The following RAB38 variants were observed in gnomAD, a reference collection of about 807,000 sequenced individuals.
The protein encoded by RAB38 is RAB38, member RAS oncogene family, also known as ras-related protein Rab-38.
RAB38 carries 15 observed loss-of-function variants against 18.4 expected under a neutral mutation model. The observed-to-expected ratio is 0.82, with a 90% CI of 0.55 to 1.26. The LOEUF (loss-of-function observed/expected upper bound fraction) is 1.26, where lower values mean the gene tolerates loss of function less well. RAB38 is among the 50% of genes most tolerant of loss of function. The pLI, the probability that RAB38 is intolerant of heterozygous loss-of-function variation, is 0.00. For missense variants in RAB38, 294 were observed against 267.4 expected (o/e 1.10, Z -0.69); for synonymous variants, 101 against 104.4 (o/e 0.97, Z 0.20).
chr11:87,907,462 AAT>A, the RAB38 span, among the ~76,000 whole-genome samples: 2,046 of 151,102 alleles, frequency 0.014, 46 homozygotes, highest in African/African-American at 0.048. Flanking sequence ...TTACAAAAAA[AAT>A]ATATTTTTTT....
At chr11:87,849,675 A>G in the RAB38 span, among the ~76,000 whole-genome samples, 1 of 152,110 alleles carries the variant, frequency 6.6e-6, no homozygotes, top group Non-Finnish European at 1.5e-5. Context: ...ATAGTGTTTA[A>G]TAACTTTAAT....
the RAB38 span, among the ~76,000 whole-genome samples, chr11:88,069,079 G>T: frequency 6.6e-6 from 1 of 152,210 alleles, no homozygotes; most frequent in African/African-American, 2.4e-5. Context: ...CCGGGGCTGT[G>T]CACTGCGATT....
At chr11:87,948,259 T>G in the RAB38 span, among the ~76,000 whole-genome samples, 6 of 152,206 alleles carry the variant, frequency 3.9e-5, no homozygotes, top group Non-Finnish European at 7.3e-5. Context: ...TCCTGAGACT[T>G]TGCTGAAGTT....
At chr11:88,151,709 T>C (rs1943064814) in intron 1 of RAB38, among the ~76,000 whole-genome samples, 1 of 152,180 alleles carries the variant, frequency 6.6e-6, no homozygotes, top group African/African-American at 2.4e-5. Context: ...AACTTTATAA[T>C]GGTAAGTTTT....
At chr11:87,954,533 C>A in the RAB38 span, among the ~76,000 whole-genome samples, 1 of 151,016 alleles carries the variant, frequency 6.6e-6, no homozygotes, top group Non-Finnish European at 1.5e-5. Context: ...CATAAATGCA[C>A]GCTAGAGAAG....
chr11:87,966,480 G>A, the RAB38 span, among the ~76,000 whole-genome samples: 2 of 152,052 alleles, frequency 1.3e-5, no homozygotes, highest in South Asian at 2.1e-4. Context: ...ATTATGACAG[G>A]GGATATAAAT....
chr11:87,850,862 C>A, the RAB38 span, among the ~76,000 whole-genome samples: 1 of 152,164 alleles, frequency 6.6e-6, no homozygotes, highest in Admixed American at 6.6e-5. Context: ...CTTTCTTTAA[C>A]TCACTTACTT....
chr11:87,836,941 C>A, the RAB38 span, among the ~76,000 whole-genome samples: 1 of 152,158 alleles, frequency 6.6e-6, no homozygotes, highest in East Asian at 1.9e-4. Flanking sequence ...ATTTAGATGT[C>A]AGATCTCAGT....
chr11:88,050,208 GA>G, the RAB38 span: 8 of 152,098 alleles, frequency 5.3e-5, no homozygotes, highest in Non-Finnish European at 8.8e-5. Context: ...TTTATAAATA[GA>G]AAAAACTGTG....
the RAB38 span, among the ~76,000 whole-genome samples, chr11:87,867,230 T>G: frequency 1.3e-5 from 2 of 151,752 alleles, no homozygotes; most frequent in African/African-American, 4.8e-5. Flanking sequence ...GGGTAAATTT[T>G]AGAGTTCAGT....
At chr11:88,145,215 T>A (rs898248690) in intron 2 of RAB38, among the ~76,000 whole-genome samples, 8 of 151,812 alleles carry the variant, frequency 5.3e-5, no homozygotes, top group Non-Finnish European at 8.8e-5. Flanking sequence ...AATGGCGCGA[T>A]CTCAGGTCAC....
the RAB38 span, among the ~76,000 whole-genome samples, chr11:87,932,554 T>A: frequency 1.3e-5 from 2 of 152,116 alleles, no homozygotes; most frequent in Admixed American, 6.6e-5. Flanking sequence ...CTTTAGTTCT[T>A]CTAATGGATT....
chr11:88,172,697 G>C (rs1024082283), intron 1 of RAB38, among the ~76,000 whole-genome samples: 4 of 152,202 alleles, frequency 2.6e-5, no homozygotes, highest in African/African-American at 9.7e-5. Context: ...GCTGACTGGA[G>C]TCTGGGTGGG....
At chr11:88,092,584 G>T in the RAB38 span, among the ~76,000 whole-genome samples, 31 of 151,704 alleles carry the variant, frequency 2.0e-4, no homozygotes, top group Non-Finnish European at 2.8e-4. Flanking sequence ...CCTCCCACTA[G>T]ACCCATCTCC....
At chr11:88,008,609 T>A in the RAB38 span, among the ~76,000 whole-genome samples, 1 of 152,234 alleles carries the variant, frequency 6.6e-6, no homozygotes, top group African/African-American at 2.4e-5. Flanking sequence ...CTGACTAATA[T>A]ACTCTCCAGA....
At chr11:87,826,475 T>G in the RAB38 span, among the ~76,000 whole-genome samples, 1 of 152,262 alleles carries the variant, frequency 6.6e-6, no homozygotes, top group Non-Finnish European at 1.5e-5. Flanking sequence ...GCTTTTTATA[T>G]ATTTTTTTAA....
At chr11:88,173,486 T>C (rs1416726068) in intron 1 of RAB38, 4 of 975,594 alleles carry the variant, frequency 4.1e-6, no homozygotes, top group Non-Finnish European at 4.9e-6. Context: ...TTTGGGCTAT[T>C]AATCACTGTA....
At chr11:87,940,252 GCC>G in the RAB38 span, among the ~76,000 whole-genome samples, 1 of 151,592 alleles carries the variant, frequency 6.6e-6, no homozygotes, top group Non-Finnish European at 1.5e-5. Context: ...TCACAAATTA[GCC>G]AGCATAAATT....
the RAB38 span, among the ~76,000 whole-genome samples, chr11:87,804,669 A>G: frequency 2.9e-3 from 435 of 152,190 alleles, 3 homozygotes; most frequent in Non-Finnish European, 5.0e-3. Context: ...TACCTTTCTT[A>G]TGGTGCCCTC....
Sources: gnomAD v4.1 joint callset for allele counts (sites outside exome capture counted in the v4.1 genomes callset) on GRCh38, gnomAD v4.1.1 for gene constraint, MANE v1.5 for transcripts, NCBI Gene and HGNC (gene_info 2026-07-23, HGNC 2026-07-21) for gene names.